Variants in SPOCK1 observed in about 807,000 individuals in gnomAD.
SPOCK1 encodes the protein SPARC (osteonectin), cwcv and kazal like domains proteoglycan 1.
SPOCK1 carries 23 observed loss-of-function variants against 55.3 expected under a neutral mutation model. The observed-to-expected ratio is 0.42, with a 90% confidence interval of 0.30 to 0.59. The LOEUF (loss-of-function observed/expected upper bound fraction) is 0.59, where lower values mean the gene tolerates loss of function less well. SPOCK1 is among the 20% of genes least tolerant of loss of function. The pLI, the probability that SPOCK1 is intolerant of heterozygous loss-of-function variation, is 0.22. For missense variants in SPOCK1, 499 were observed against 552.5 expected (o/e 0.90, Z 0.97); for synonymous variants, 226 against 221.0 (o/e 1.02, Z -0.20).
chr5:137,103,189 C>T (rs2127026696), intron 5 of SPOCK1, among the ~76,000 whole-genome samples: 1 of 152,248 alleles, frequency 6.6e-6, no homozygotes, highest in Non-Finnish European at 1.5e-5. Context: ...CAGAGTTGCA[C>T]CATGTTGAGC....
chr5:137,108,920 C>A (rs1040361889), intron 5 of SPOCK1, among the ~76,000 whole-genome samples: 3 of 152,182 alleles, frequency 2.0e-5, no homozygotes, highest in Admixed American at 6.5e-5. Context: ...CTTTCCTGCC[C>A]AAACTACCAA....
chr5:137,412,638 G>C (rs1017236710), intron 2 of SPOCK1, among the ~76,000 whole-genome samples: 1 of 152,196 alleles, frequency 6.6e-6, no homozygotes, highest in Non-Finnish European at 1.5e-5. Context: ...CCCTCAGACA[G>C]AAAGAGAACA....
chr5:137,261,910 C>T (rs987637808), intron 3 of SPOCK1, among the ~76,000 whole-genome samples: 1 of 152,122 alleles, frequency 6.6e-6, no homozygotes, highest in Non-Finnish European at 1.5e-5. Flanking sequence ...CAGCAGAGAA[C>T]CTGTTAGTGT....
chr5:137,356,820 T>TAGAG (rs1762839412), intron 2 of SPOCK1, among the ~76,000 whole-genome samples: 1 of 23,806 alleles, frequency 4.2e-5, no homozygotes, highest in Non-Finnish European at 7.6e-5. Context: ...TATATATATA[T>TAGAG]ATATATATAT....
At position 137,070,262 on chromosome 5, in the gene SPOCK1, A is replaced by T. The variant is rs1374502942; in HGVS notation, c.475-2433T>A. ...AGTGTTCTGAACAGAGCCACAGCTA[A>T]CGCACAATGTGAACACGGAAATAGG... On this transcript the variant is annotated intron_variant, in intron 5 of 10. Coordinates refer to ENST00000394945, the MANE Select transcript of SPOCK1 (RefSeq NM_004598.4). Among the ~76,000 whole-genome samples, 5 of 152,364 alleles carry T rather than the reference A, an allele frequency of 3.3e-5. No homozygotes were observed. In the East Asian group the frequency reaches 7.7e-4, roughly 24 times the overall value.
chr5:137,446,362 A>C (rs904522773), intron 2 of SPOCK1, among the ~76,000 whole-genome samples: 2 of 152,122 alleles, frequency 1.3e-5, no homozygotes, highest in Non-Finnish European at 2.9e-5. Context: ...GGATCTCCAG[A>C]GAGCTGTTGG....
At chr5:137,173,273 C>A (rs1221150848) in intron 3 of SPOCK1, among the ~76,000 whole-genome samples, 1 of 152,060 alleles carries the variant, frequency 6.6e-6, no homozygotes, top group Non-Finnish European at 1.5e-5. Context: ...AAGAAGGTAG[C>A]CCTTAGAGTT....
chr5:136,989,959 G>A (rs1402119741), intron 7 of SPOCK1, among the ~76,000 whole-genome samples: 1 of 151,968 alleles, frequency 6.6e-6, no homozygotes, highest in African/African-American at 2.4e-5. Flanking sequence ...TGCCCAAGCT[G>A]GAGTGCAGTG....
At chr5:137,055,942 C>A (rs866238921) in intron 6 of SPOCK1, among the ~76,000 whole-genome samples, 15 of 152,292 alleles carry the variant, frequency 9.8e-5, no homozygotes, top group South Asian at 6.2e-4. Flanking sequence ...GGTGGAGGAA[C>A]CTGCCTCTTT....
intron 6 of SPOCK1, among the ~76,000 whole-genome samples, chr5:137,042,749 G>A (rs76819314): frequency 0.01 from 1,522 of 152,174 alleles, 20 homozygotes; most frequent in African/African-American, 0.035. Context: ...AGCAAGGGGA[G>A]GAAGCTATAA....
rs1025558569 is a variant in SPOCK1 at position 137,394,570 on chromosome 5, C to T, written c.186+103803G>A. 6.6e-5 allele frequency among the ~76,000 whole-genome samples: 10 copies of T among 152,308 alleles called. No individual in the cohort carries two copies. The East Asian group carries it at 9.6e-4, about 15-fold the overall frequency. ...TAGTGCTGGTGACCACATGTGAAGCCTCCCACAGGCTATACCCTTTAAAGG... is the reference window on the plus strand; with the variant it reads ...TAGTGCTGGTGACCACATGTGAAGCTTCCCACAGGCTATACCCTTTAAAGG... On this transcript the variant is annotated intron_variant, in intron 2 of 10. Coordinates refer to ENST00000394945, the MANE Select transcript of SPOCK1 (RefSeq NM_004598.4).
At chr5:137,093,774 T>C (rs1391589705) in intron 5 of SPOCK1, among the ~76,000 whole-genome samples, 1 of 152,012 alleles carries the variant, frequency 6.6e-6, no homozygotes, top group Non-Finnish European at 1.5e-5. Context: ...GCTCAGCACA[T>C]TGGAAGCAGA....
chr5:136,985,352 G>A, intron 8 of SPOCK1, 150 bp from the exon 9 acceptor site: 1 of 759,264 alleles, frequency 1.3e-6, no homozygotes, highest in Non-Finnish European at 2.2e-6. Flanking sequence ...AACAAATTCG[G>A]GCCATTAGTG....
At chr5:137,431,038 G>A (rs10056843) in intron 2 of SPOCK1, among the ~76,000 whole-genome samples, 12,028 of 152,178 alleles carry the variant, frequency 0.079, 1,217 homozygotes, top group African/African-American at 0.24. Context: ...TTCATCCTAG[G>A]TGTAATGTTT....
At chr5:137,286,559 G>A (rs1052550471) in intron 2 of SPOCK1, among the ~76,000 whole-genome samples, 2 of 152,172 alleles carry the variant, frequency 1.3e-5, no homozygotes, top group African/African-American at 4.8e-5. Context: ...GCCCATGGTG[G>A]CTGCAGCAGC....
chr5:137,199,657 T>C (rs1755376986), intron 3 of SPOCK1, among the ~76,000 whole-genome samples: 2 of 152,180 alleles, frequency 1.3e-5, no homozygotes, highest in African/African-American at 2.4e-5. Context: ...CAGCCTCTTC[T>C]TCTACTGTCT....
At chr5:137,039,723 A>C (rs974846056) in intron 6 of SPOCK1, among the ~76,000 whole-genome samples, 22 of 152,192 alleles carry the variant, frequency 1.4e-4, no homozygotes, top group Admixed American at 8.5e-4. Context: ...ATAAACCCAA[A>C]GCTGTTATTA....
intron 2 of SPOCK1, among the ~76,000 whole-genome samples, chr5:137,326,757 G>A (rs773784209): frequency 3.3e-5 from 5 of 152,178 alleles, no homozygotes; most frequent in Non-Finnish European, 7.4e-5. Context: ...GAGCTTATCA[G>A]GAGATTCAAC....
intron 5 of SPOCK1, 122 bp downstream of exon 5, chr5:137,112,313 G>C: frequency 8.0e-7 from 1 of 1,245,636 alleles, no homozygotes; most frequent in Non-Finnish European, 1.1e-6. Flanking sequence ...TAATGCAGCA[G>C]CTTCTCAAGG....
Sources: allele counts gnomAD v4.1 joint callset (sites outside exome capture counted in the v4.1 genomes callset), GRCh38; gene constraint gnomAD v4.1.1; transcripts MANE v1.5; gene names NCBI Gene and HGNC (gene_info 2026-07-23, HGNC 2026-07-21).